LOC128462377: variants seen among roughly 807,000 people sequenced by gnomAD.
chr16:89,394,396 A>G, the LOC128462377 span, among the ~76,000 whole-genome samples: 1 of 152,242 alleles, frequency 6.6e-6, no homozygotes. Flanking sequence ...TGGGAGGCCA[A>G]GGCGGGCAGA....
the LOC128462377 span, among the ~76,000 whole-genome samples, chr16:89,367,744 C>A: frequency 6.6e-6 from 1 of 152,218 alleles, no homozygotes; most frequent in African/African-American, 2.4e-5. Context: ...TCCTGACTAC[C>A]CCCAGCGGCT....
chr16:89,387,119 G>A, the LOC128462377 span, among the ~76,000 whole-genome samples: 9 of 152,268 alleles, frequency 5.9e-5, no homozygotes, highest in South Asian at 2.1e-4. Context: ...GCCAAGAGCA[G>A]CGAGGGTGGG....
chr16:89,384,479 G>C, the LOC128462377 span, among the ~76,000 whole-genome samples: 2 of 151,942 alleles, frequency 1.3e-5, no homozygotes, highest in African/African-American at 4.8e-5. Flanking sequence ...GACAAGATGG[G>C]AATGGGACGA....
At chr16:89,387,522 A>C in the LOC128462377 span, among the ~76,000 whole-genome samples, 39 of 151,518 alleles carry the variant, frequency 2.6e-4, no homozygotes, top group Non-Finnish European at 5.0e-4. Flanking sequence ...AATACAAAAA[A>C]ATTAACCAGG....
At chr16:89,381,927 C>A in the LOC128462377 span, among the ~76,000 whole-genome samples, 3 of 152,208 alleles carry the variant, frequency 2.0e-5, no homozygotes, top group Non-Finnish European at 4.4e-5. Context: ...CAGGCTGTGA[C>A]CTCTCCACGG....
chr16:89,412,855 A>G, the LOC128462377 span, among the ~76,000 whole-genome samples: 1 of 152,200 alleles, frequency 6.6e-6, no homozygotes, highest in Non-Finnish European at 1.5e-5. Context: ...TCAGTCCCCC[A>G]GCAGGACCTC....
At chr16:89,319,573 A>G in the LOC128462377 span, among the ~76,000 whole-genome samples, 1 of 152,092 alleles carries the variant, frequency 6.6e-6, no homozygotes, top group Non-Finnish European at 1.5e-5. Context: ...CTTGGCTACA[A>G]CATGTTACCG....
the LOC128462377 span, among the ~76,000 whole-genome samples, chr16:89,352,570 C>T: frequency 1.5e-4 from 23 of 152,306 alleles, no homozygotes; most frequent in South Asian, 1.7e-3. Context: ...GTCAGGGCCA[C>T]TTCCTCTCGC....
the LOC128462377 span, among the ~76,000 whole-genome samples, chr16:89,399,218 G>C: frequency 3.3e-5 from 5 of 152,170 alleles, no homozygotes; most frequent in African/African-American, 9.7e-5. Flanking sequence ...TCAGGGGCCA[G>C]TGGCTGGCTT....
chr16:89,352,570 C>A, the LOC128462377 span, among the ~76,000 whole-genome samples: 1 of 152,188 alleles, frequency 6.6e-6, no homozygotes, highest in South Asian at 2.1e-4. Flanking sequence ...GTCAGGGCCA[C>A]TTCCTCTCGC....
the LOC128462377 span, among the ~76,000 whole-genome samples, chr16:89,368,371 G>GTGT: frequency 1.8e-5 from 1 of 56,612 alleles, no homozygotes; most frequent in African/African-American, 4.8e-5. Flanking sequence ...TAATTTTTGT[G>GTGT]TTTTTTTTTT....
the LOC128462377 span, among the ~76,000 whole-genome samples, chr16:89,381,607 A>G: frequency 6.6e-6 from 1 of 152,208 alleles, no homozygotes; most frequent in African/African-American, 2.4e-5. Context: ...CAACAAGAGG[A>G]GAACGATGAA....
At chr16:89,348,319 T>C in the LOC128462377 span, among the ~76,000 whole-genome samples, 1 of 152,238 alleles carries the variant, frequency 6.6e-6, no homozygotes, top group Non-Finnish European at 1.5e-5. Flanking sequence ...ACATTGATTT[T>C]TAAATGCTAA....
the LOC128462377 span, among the ~76,000 whole-genome samples, chr16:89,408,535 A>C: frequency 1.3e-5 from 2 of 152,226 alleles, no homozygotes; most frequent in South Asian, 4.1e-4. Flanking sequence ...TGCATCTGGC[A>C]GGAGTGTAAC....
the LOC128462377 span, among the ~76,000 whole-genome samples, chr16:89,408,592 C>G: frequency 1.3e-5 from 2 of 152,210 alleles, no homozygotes; most frequent in African/African-American, 4.8e-5. Context: ...CACACACACT[C>G]AGACCCTCAG....
the LOC128462377 span, among the ~76,000 whole-genome samples, chr16:89,413,380 C>T: frequency 6.6e-6 from 1 of 152,120 alleles, no homozygotes; most frequent in Non-Finnish European, 1.5e-5. Context: ...AATCCCAGCA[C>T]TTTGGGAGGC....
At chr16:89,398,692 T>A in the LOC128462377 span, among the ~76,000 whole-genome samples, 14 of 151,994 alleles carry the variant, frequency 9.2e-5, no homozygotes, top group African/African-American at 3.4e-4. Flanking sequence ...CAGTGAGCTA[T>A]ATGACTGTGC....
At chr16:89,414,671 G>C in the LOC128462377 span, among the ~76,000 whole-genome samples, 3 of 152,330 alleles carry the variant, frequency 2.0e-5, no homozygotes, top group Admixed American at 6.5e-5. Context: ...CAGGGCCACA[G>C]AGCTAGCACC....
the LOC128462377 span, among the ~76,000 whole-genome samples, chr16:89,358,609 A>G: frequency 6.6e-6 from 1 of 152,218 alleles, no homozygotes; most frequent in Non-Finnish European, 1.5e-5. Context: ...CTTTAAAAAT[A>G]ATAATTAATA....
Sources: gnomAD v4.1 joint callset for allele counts (sites outside exome capture counted in the v4.1 genomes callset) on GRCh38, gnomAD v4.1.1 for gene constraint, MANE v1.5 for transcripts.